AUTS2: variants seen among roughly 807,000 people sequenced by gnomAD.
The protein encoded by AUTS2 is activator of transcription and developmental regulator AUTS2, also known as autism susceptibility gene 2 protein.
A neutral mutation model predicts 112.4 loss-of-function variants in AUTS2; 17 were observed. That is an observed-to-expected ratio of 0.15 (90% CI 0.10 to 0.23). The LOEUF (loss-of-function observed/expected upper bound fraction) is 0.23, where lower values mean the gene tolerates loss of function less well. Ranked by LOEUF, AUTS2 falls within the 10% of genes least tolerant of loss-of-function variation. The pLI, the probability that AUTS2 is intolerant of heterozygous loss-of-function variation, is 1.00. For synonymous variants in AUTS2, 751 were observed against 702.7 expected (o/e 1.07, Z -1.09); for missense variants, 1,510 against 1,701.6 (o/e 0.89, Z 1.98).
At chr7:69,716,394 C>T (rs931114517) in intron 1 of AUTS2, among the ~76,000 whole-genome samples, 1 of 151,862 alleles carries the variant, frequency 6.6e-6, no homozygotes, top group South Asian at 2.1e-4. Context: ...AACTATATGA[C>T]CTGATTAGAC....
intron 1 of AUTS2, among the ~76,000 whole-genome samples, chr7:69,696,189 C>T (rs1019464032): frequency 3.3e-5 from 5 of 152,176 alleles, no homozygotes; most frequent in Admixed American, 2.0e-4. Context: ...CGGTTAGCCT[C>T]GGTGCACCTC....
At chr7:70,647,001 G>A (rs1055902291) in intron 5 of AUTS2, among the ~76,000 whole-genome samples, 1 of 152,160 alleles carries the variant, frequency 6.6e-6, no homozygotes, top group Non-Finnish European at 1.5e-5. Context: ...TCTGTGTCTG[G>A]GCTGAGCTGC....
chr7:69,642,970 G>A (rs1794857267), intron 1 of AUTS2, among the ~76,000 whole-genome samples: 1 of 152,182 alleles, frequency 6.6e-6, no homozygotes, highest in Admixed American at 6.5e-5. Context: ...TTGCAAGGCT[G>A]CAATCAAGAT....
intron 1 of AUTS2, among the ~76,000 whole-genome samples, chr7:69,756,750 T>C (rs971118573): frequency 3.9e-5 from 6 of 152,294 alleles, no homozygotes; most frequent in Middle Eastern, 3.4e-3. Flanking sequence ...AGTGATGTTG[T>C]TGATGGTGAG....
intron 1 of AUTS2, among the ~76,000 whole-genome samples, chr7:69,730,022 A>G (rs1444829029): frequency 5.4e-5 from 4 of 73,576 alleles, no homozygotes; most frequent in Non-Finnish European, 9.7e-5. Context: ...TTTTTTTTAG[A>G]AACTAGGTCT....
At chr7:69,823,699 GA>G (rs1356572410) in intron 1 of AUTS2, among the ~76,000 whole-genome samples, 1 of 151,972 alleles carries the variant, frequency 6.6e-6, no homozygotes, top group Non-Finnish European at 1.5e-5. Flanking sequence ...CCATTATCAT[GA>G]CATTGATTTT....
At chr7:69,666,909 A>C (rs1045413809) in intron 1 of AUTS2, among the ~76,000 whole-genome samples, 9 of 152,168 alleles carry the variant, frequency 5.9e-5, no homozygotes, top group African/African-American at 2.2e-4. Context: ...CCCCAAAAAC[A>C]AAACAAAACA....
At chr7:70,510,557 A>G (rs901055846) in intron 5 of AUTS2, among the ~76,000 whole-genome samples, 2 of 152,188 alleles carry the variant, frequency 1.3e-5, no homozygotes, top group African/African-American at 2.4e-5. Flanking sequence ...ATAAGACATT[A>G]TTTGCCTTTC....
rs1791571667 is a variant in AUTS2 at position 70,787,320 on chromosome 7, C to T, written c.2420C>T (p.Pro807Leu). The T allele has an allele frequency of 3.1e-6, 5 of 1,614,050 alleles. No homozygotes were observed. The highest frequency in any genetic ancestry group is 2.7e-5 in the African/African-American group (2 of 74,946). ...ACGCCTCCGTCGTTCCCGACCCCTC[C>T]GCCCTGGCTGAAGCCAGGGGAGCTG... ...HRTPPSFPTP[P>L]PWLKPGELER... is the part of the protein sequence containing the mutation. The change falls in exon 18 of 19, where the codon CCG becomes CTG. Residue 807 changes from proline (P) to leucine (L), a missense_variant. By Grantham distance (98) the Pro-to-Leu change is moderately conservative (BLOSUM62 -3). Transcript: ENST00000342771.
chr7:69,951,155 G>A (rs1209472467), intron 2 of AUTS2, among the ~76,000 whole-genome samples: 3 of 152,100 alleles, frequency 2.0e-5, no homozygotes, highest in South Asian at 2.1e-4. Flanking sequence ...TGTTGCAATT[G>A]TATTTGACTC....
At chr7:69,701,736 T>C (rs1288493827) in intron 1 of AUTS2, among the ~76,000 whole-genome samples, 1 of 152,244 alleles carries the variant, frequency 6.6e-6, no homozygotes, top group African/African-American at 2.4e-5. Flanking sequence ...TTTATCTCAG[T>C]CTCATAAAAG....
chr7:70,531,129 T>C (rs1800067194), intron 5 of AUTS2, among the ~76,000 whole-genome samples: 1 of 152,260 alleles, frequency 6.6e-6, no homozygotes, highest in African/African-American at 2.4e-5. Context: ...GTATTCCTTA[T>C]TCTTGAGAAA....
rs141517698 is a variant in AUTS2, at chr7:70,609,757, G to A, written c.691-88812G>A. On this transcript the variant is annotated intron_variant, in intron 5 of 18. Transcript: ENST00000342771. ...TGTCCTCTTTTTTAAGACTGAATAGGATCCATTGTGTATGTGTCTTTACCA... is the reference window on the plus strand; with the variant it reads ...TGTCCTCTTTTTTAAGACTGAATAGAATCCATTGTGTATGTGTCTTTACCA... 1.2e-3 allele frequency among the ~76,000 whole-genome samples: 180 copies of A among 151,980 alleles called. 1 individual carries two copies. The highest frequency in any genetic ancestry group is 3.7e-3 in the African/African-American group (154 of 41,480).
chr7:70,287,203 A>G (rs1788499446), intron 4 of AUTS2, among the ~76,000 whole-genome samples: 1 of 152,166 alleles, frequency 6.6e-6, no homozygotes, highest in South Asian at 2.1e-4. Flanking sequence ...TTTCATGGAC[A>G]GGGTCAGAAC....
chr7:70,607,908 T>C (rs572332495), intron 5 of AUTS2, among the ~76,000 whole-genome samples: 2 of 152,328 alleles, frequency 1.3e-5, no homozygotes, highest in South Asian at 4.1e-4. Flanking sequence ...ACTGCACATG[T>C]GGAATGTTGG....
intron 1 of AUTS2, among the ~76,000 whole-genome samples, chr7:69,742,320 CA>C (rs1250816727): frequency 1.4e-4 from 21 of 152,010 alleles, no homozygotes; most frequent in Non-Finnish European, 3.1e-4. Context: ...CCCTTCATCT[CA>C]AAAGGTAGTT....
chr7:70,391,694 A>G (rs1198961191), intron 4 of AUTS2, among the ~76,000 whole-genome samples: 1 of 151,968 alleles, frequency 6.6e-6, no homozygotes, highest in African/African-American at 2.4e-5. Flanking sequence ...AAAATAAAAA[A>G]ATAAAAAGCA....
intron 1 of AUTS2, among the ~76,000 whole-genome samples, chr7:69,610,347 C>G (rs1792963567): frequency 6.6e-6 from 1 of 152,248 alleles, no homozygotes; most frequent in African/African-American, 2.4e-5. Flanking sequence ...AGGCCTACCT[C>G]TACTCACTCT....
chr7:70,148,623 C>A (rs559895617), intron 4 of AUTS2, among the ~76,000 whole-genome samples: 2 of 151,652 alleles, frequency 1.3e-5, no homozygotes, highest in South Asian at 4.2e-4. Context: ...GTACCTGGTG[C>A]AGTTTTTTTT....
Sources: gnomAD v4.1 joint callset for allele counts (sites outside exome capture counted in the v4.1 genomes callset) on GRCh38, gnomAD v4.1.1 for gene constraint, MANE v1.5 for transcripts, NCBI Gene and HGNC (gene_info 2026-07-23, HGNC 2026-07-21) for gene names.